Variants in HIP1 observed in about 807,000 individuals in gnomAD.
HIP1 encodes huntingtin interacting protein 1, also known as huntingtin-interacting protein 1.
In HIP1, 65 loss-of-function variants were observed where a neutral mutation model predicts 147.6. The observed-to-expected ratio is 0.44, with a 90% confidence interval of 0.36 to 0.54. The LOEUF is 0.54. Among genes scored for constraint, HIP1 ranks in the 20% least tolerant of loss-of-function variants. HIP1 has a pLI of 0.00. For missense variants in HIP1, 1,061 were observed against 1,299.6 expected, an observed-to-expected ratio of 0.82 and a Z score of 2.82; for synonymous variants, 479 against 504.0, an observed-to-expected ratio of 0.95 and a Z score of 0.67.
At chr7:75,714,015 CATTTT>C (rs1801239537) in intron 1 of HIP1, among the ~76,000 whole-genome samples, 1 of 145,974 alleles carries the variant, frequency 6.9e-6, no homozygotes, top group Non-Finnish European at 1.5e-5. Flanking sequence ...TTTTTTTTAA[CATTTT>C]ATTTTATTTC....
intron 1 of HIP1, among the ~76,000 whole-genome samples, chr7:75,670,622 T>C (rs1161302325): frequency 6.6e-6 from 1 of 151,994 alleles, no homozygotes; most frequent in Non-Finnish European, 1.5e-5. Flanking sequence ...AGCAGTCTAA[T>C]TTTTTGAGAC....
Position 75,537,290 on chromosome 7 carries a change from A to G in HIP1, c.*882T>C, listed in dbSNP as rs587726082. On this transcript the variant is annotated 3_prime_UTR_variant, in exon 31 of 31. Transcript: ENST00000336926. ...CCGCCGGGATTCAGCTTTAGGAGGGAAAGGCACTCACTCTCCTTCTGCTTT... is the reference window on the plus strand; with the variant it reads ...CCGCCGGGATTCAGCTTTAGGAGGGGAAGGCACTCACTCTCCTTCTGCTTT... 374 of 232,996 alleles carry G rather than the reference A, an allele frequency of 1.6e-3. 3 individuals carry two copies. Among genetic ancestry groups the G allele is most frequent in the African/African-American group, 7.6e-3 (344 of 45,364 alleles). The allele number at this position is 232,996 out of a possible 1,614,324, so 14.4% of individuals were successfully genotyped here. A position where few individuals can be genotyped will look rare whatever the true frequency, so the allele number is the denominator to read the frequency against.
intron 1 of HIP1, among the ~76,000 whole-genome samples, chr7:75,698,437 C>T (rs1423086220): frequency 6.6e-6 from 1 of 151,994 alleles, no homozygotes; most frequent in African/African-American, 2.4e-5. Flanking sequence ...CTCTTGGAGC[C>T]CATGGTCTTA....
At chr7:75,632,349 T>C (rs587622663) in intron 1 of HIP1, among the ~76,000 whole-genome samples, 1 of 152,142 alleles carries the variant, frequency 6.6e-6, no homozygotes, top group African/African-American at 2.4e-5. Context: ...AAAATCTTAG[T>C]GATCAGTGAC....
chr7:75,611,738 C>T, intron 1 of HIP1: 1 of 1,037,188 alleles, frequency 9.6e-7, no homozygotes, highest in Non-Finnish European at 1.2e-6. Context: ...TGGAGTCACA[C>T]AGGACCTAAG....
intron 29 of HIP1, 29 bp downstream of exon 29, chr7:75,541,890 C>T (rs782299228): frequency 6.6e-7 from 1 of 1,516,300 alleles, no homozygotes; most frequent in South Asian, 1.1e-5. Flanking sequence ...GCAATAGAGG[C>T]TATCTAGACT....
At chr7:75,690,542 G>A (rs782431163) in intron 1 of HIP1, among the ~76,000 whole-genome samples, 2 of 152,118 alleles carry the variant, frequency 1.3e-5, no homozygotes, top group Non-Finnish European at 2.9e-5. Context: ...TGTGACCACA[G>A]TGGAGAAGTT....
rs568041766 is a variant in HIP1 at position 75,715,895 on chromosome 7, C to T, written c.120+22906G>A. Among the ~76,000 whole-genome samples, 12 of 150,210 alleles carry T rather than the reference C, an allele frequency of 8.0e-5. 1 individual carries two copies. Among genetic ancestry groups the T allele is most frequent in the Admixed American group, 2.7e-4 (4 of 15,002 alleles). On this transcript the variant is annotated intron_variant, in intron 1 of 30. Transcript: ENST00000336926. ...GGCCTCAAGAAGCTTTCACTCAAGG[C>T]GGAAGGGGAAGGGGAAGGGGAAGGG...
intron 1 of HIP1, among the ~76,000 whole-genome samples, chr7:75,714,737 G>A (rs1029243120): frequency 6.6e-6 from 1 of 152,166 alleles, no homozygotes; most frequent in African/African-American, 2.4e-5. Context: ...ACAGGTGTGA[G>A]CCACCGTGCC....
intron 1 of HIP1, among the ~76,000 whole-genome samples, chr7:75,622,806 G>A (rs1361110380): frequency 2.0e-5 from 3 of 151,720 alleles, no homozygotes; most frequent in Non-Finnish European, 4.4e-5. Flanking sequence ...CTGCGTTACT[G>A]CACTCCAGCC....
chr7:75,692,428 T>TA (rs1295007540), intron 1 of HIP1, among the ~76,000 whole-genome samples: 2 of 149,410 alleles, frequency 1.3e-5, no homozygotes, highest in Non-Finnish European at 3.0e-5. Flanking sequence ...CCTGGCTAAT[T>TA]TTTTTTTTTT....
intron 1 of HIP1, among the ~76,000 whole-genome samples, chr7:75,688,431 G>C (rs1200998389): frequency 5.3e-5 from 8 of 151,682 alleles, no homozygotes; most frequent in Admixed American, 6.6e-5. Flanking sequence ...TGCAGGGGGT[G>C]GGGGGGATGA....
chr7:75,725,976 A>C (rs10235749), intron 1 of HIP1, among the ~76,000 whole-genome samples: 2,457 of 151,954 alleles, frequency 0.016, 63 homozygotes, highest in African/African-American at 0.057. Context: ...ATGTACCACC[A>C]TGCCCAGTTT....
At chr7:75,539,462 T>G in intron 29 of HIP1, 31 bp from the exon 30 acceptor site, 1 of 1,506,396 alleles carries the variant, frequency 6.6e-7, no homozygotes, top group Non-Finnish European at 9.2e-7. Context: ...GATTTTCTCT[T>G]AATCATCTCT....
At chr7:75,571,061 A>T (rs1795612641) in intron 8 of HIP1, among the ~76,000 whole-genome samples, 1 of 152,106 alleles carries the variant, frequency 6.6e-6, no homozygotes, top group South Asian at 2.1e-4. Flanking sequence ...TATTGTAAAG[A>T]GTATCCCTCC....
At chr7:75,607,460 C>G (rs1211692963) in intron 1 of HIP1, among the ~76,000 whole-genome samples, 1 of 150,066 alleles carries the variant, frequency 6.7e-6, no homozygotes, top group Non-Finnish European at 1.5e-5. Context: ...AATTCCTGAC[C>G]TCAGGTGATC....
chr7:75,621,849 G>A (rs1296062421), intron 1 of HIP1, among the ~76,000 whole-genome samples: 1 of 152,226 alleles, frequency 6.6e-6, no homozygotes, highest in Non-Finnish European at 1.5e-5. Flanking sequence ...TGAGCAACTA[G>A]AGGGACTGAG....
intron 1 of HIP1, among the ~76,000 whole-genome samples, chr7:75,703,221 G>A (rs1554519345): frequency 6.6e-6 from 1 of 152,132 alleles, no homozygotes; most frequent in Non-Finnish European, 1.5e-5. Flanking sequence ...GGTGGTGCAT[G>A]CTTGTAATCC....
intron 1 of HIP1, among the ~76,000 whole-genome samples, chr7:75,737,145 C>T (rs1406169710): frequency 6.6e-6 from 1 of 152,072 alleles, no homozygotes; most frequent in Non-Finnish European, 1.5e-5. Context: ...AGGCAGGTAT[C>T]GAACTCCTGG....
Sources: gnomAD v4.1 joint callset for allele counts (sites outside exome capture counted in the v4.1 genomes callset) on GRCh38, gnomAD v4.1.1 for gene constraint, MANE v1.5 for transcripts, NCBI Gene and HGNC (gene_info 2026-07-23, HGNC 2026-07-21) for gene names.